The following FBXL19 variants were observed in gnomAD, a reference collection of about 807,000 sequenced individuals.
FBXL19 encodes F-box/LRR-repeat protein 19.
Under a neutral mutation model 71.2 loss-of-function variants are expected in FBXL19, and 16 were observed. That is an observed-to-expected ratio of 0.22 (90% CI 0.15 to 0.34). The LOEUF is 0.34. Among genes scored for constraint, FBXL19 ranks in the 10% least tolerant of loss-of-function variants. The pLI, the probability that FBXL19 is intolerant of heterozygous loss-of-function variation, is 1.00. For missense variants in FBXL19, 658 were observed against 968.2 expected (o/e 0.68, Z 4.25); for synonymous variants, 447 against 409.4 (o/e 1.09, Z -1.11).
chr16:30,925,567 C>A lies in FBXL19; in HGVS notation c.-24-164C>A. On this transcript the variant is annotated intron_variant, in intron 1 of 10. Transcript: ENST00000338343. The surrounding 1 kb of genome is among the most constrained non-coding windows in gnomAD (Gnocchi z 5.0). ...CTTGAGCTGCTGCAGGGAGACAGGC[C>A]TTGAGTAGAGGATTGGCCCCCAGAT... is the stretch of plus-strand genomic sequence containing the variant. 1 of 700,956 alleles carries A rather than the reference C, an allele frequency of 1.4e-6. No individual in the cohort carries two copies. The highest frequency in any genetic ancestry group is 2.1e-6 in the Non-Finnish European group (1 of 475,206). 43.4% of individuals were successfully genotyped at this position (700,956 alleles called of 1,614,324 possible).
intron 7 of FBXL19, among the ~76,000 whole-genome samples, chr16:30,932,613 G>C (rs542075343): frequency 6.6e-6 from 1 of 152,266 alleles, no homozygotes; most frequent in East Asian, 1.9e-4. Flanking sequence ...TGTAGTCTGG[G>C]TTTGTATGAA....
intron 2 of FBXL19, among the ~76,000 whole-genome samples, chr16:30,926,502 C>G (rs1047449579): frequency 1.3e-5 from 2 of 152,110 alleles, no homozygotes; most frequent in East Asian, 3.9e-4. Flanking sequence ...TTCCGCCCTG[C>G]CTTCCTCATC....
chr16:30,924,633 T>G, intron 1 of FBXL19, 174 bp downstream of exon 1: 1 of 1,388,508 alleles, frequency 7.2e-7, no homozygotes, highest in Non-Finnish European at 9.3e-7. Flanking sequence ...TGGCCCTCCT[T>G]CCTAGACCCT....
At position 30,930,602 on chromosome 16, in the gene FBXL19, G is replaced by T; in HGVS notation, c.1301+18G>T. On this transcript the variant is annotated intron_variant, in intron 7 of 10. Coordinates refer to ENST00000338343, the MANE Select transcript of FBXL19 (RefSeq NM_001382779.1). This position sits in a 1 kb window ranked among gnomAD's most constrained non-coding sequence, Gnocchi z 8.5. The stretch of plus-strand genomic sequence containing the variant: ...AGCCGCTGGTGAGTGGCCTGGACAG[G>T]CCTGCGTTCCGTGGCCAGCAGGCTT... 2 of 1,416,324 alleles carry T rather than the reference G, an allele frequency of 1.4e-6. No individual in the cohort carries two copies. Among genetic ancestry groups the T allele is most frequent in the Non-Finnish European group, 1.8e-6 (2 of 1,090,070 alleles). The allele number at this position is 1,416,324 out of a possible 1,614,324, so 87.7% of individuals were successfully genotyped here.
rs1224466827 is a variant in FBXL19, at chr16:30,930,275, G to A, written c.992G>A (p.Arg331Gln). Residue 331 changes from arginine to glutamine, a missense_variant, in exon 7 of 11, where the codon CGG (arginine) becomes CAG (glutamine). Coordinates refer to ENST00000338343, the MANE Select transcript of FBXL19 (RefSeq NM_001382779.1). The surrounding 1 kb of genome is among the most constrained non-coding windows in gnomAD (Gnocchi z 8.5). Reference protein sequence around the residue: ...LSEDEAPGEARNGRRPARGSS... With the variant: ...LSEDEAPGEAQNGRRPARGSS... Reference sequence around the variant, plus strand: ...GAGGACGAAGCCCCCGGCGAGGCCCGGAATGGGCGACGGCCAGCCCGGGGC... The same window carrying A: ...GAGGACGAAGCCCCCGGCGAGGCCCAGAATGGGCGACGGCCAGCCCGGGGC... 16 of 1,612,596 alleles carry A rather than the reference G, an allele frequency of 9.9e-6. No individual in the cohort carries two copies. Among genetic ancestry groups the A allele is most frequent in the South Asian group, 4.4e-5 (4 of 91,074 alleles).
rs551914906 is a variant in FBXL19, at chr16:30,925,747, C to T, written c.-8C>T. ...CACCTACAGCCCTCGGCGTTGCTGA[C>T]GCCCCCAATGTCGTCGAGCAGCCGG... is the stretch of plus-strand genomic sequence containing the variant. On this transcript the variant is annotated 5_prime_UTR_variant, in exon 2 of 11. It adds an upstream start codon to the 5' untranslated region. Coordinates refer to ENST00000338343, the MANE Select transcript of FBXL19 (RefSeq NM_001382779.1). This position sits in a 1 kb window ranked among gnomAD's most constrained non-coding sequence, Gnocchi z 5.0. The T allele has an allele frequency of 8.1e-6, 12 of 1,488,252 alleles. No individual in the cohort carries two copies. In the East Asian group the frequency reaches 1.4e-4, roughly 17 times the overall value. The allele number at this position is 1,488,252 out of a possible 1,614,324, so 92.2% of individuals were successfully genotyped here.
Position 30,927,980 on chromosome 16 carries a change from GCT to G in FBXL19, c.627+19_627+20del, listed in dbSNP as rs2055617282. On this transcript the variant is annotated intron_variant, in intron 5 of 10. Coordinates refer to ENST00000338343, the MANE Select transcript of FBXL19 (RefSeq NM_001382779.1). ...AGGAAAAAGGTGAGCCACGGAGCACGCTCACTAGGCTTGTCCTGAGGAATTCT... is the reference window on the plus strand; with the variant it reads ...AGGAAAAAGGTGAGCCACGGAGCACGCACTAGGCTTGTCCTGAGGAATTCT... 6 of 1,432,546 alleles carry G rather than the reference GCT, an allele frequency of 4.2e-6. No homozygotes were observed. Among genetic ancestry groups the G allele is most frequent in the Non-Finnish European group, 5.6e-6 (6 of 1,078,830 alleles). 88.7% of individuals were successfully genotyped at this position (1,432,546 alleles called of 1,614,324 possible). A position where few individuals can be genotyped will look rare whatever the true frequency, so the allele number is the denominator to read the frequency against.
Position 30,946,914 on chromosome 16 carries a change from A to G in FBXL19, c.1812A>G (p.Pro604=), listed in dbSNP as rs563264346. The change falls in exon 10 of 11, where the codon CCA becomes CCG. Residue 604 remains proline (P), a synonymous_variant. Transcript: ENST00000338343. The surrounding 1 kb of genome is among the most constrained non-coding windows in gnomAD (Gnocchi z 6.7). ...ACCTCCTCACGGCCCCCACGTCCCC[A>G]CTCCGCGAGACCCTGGTGCACCTCA... The part of the protein sequence containing the change: ...SVHLLTAPTS[P]LRETLVHLNL... 11 of 1,609,536 alleles carry G rather than the reference A, an allele frequency of 6.8e-6. No individual in the cohort carries two copies. Among genetic ancestry groups the G allele is most frequent in the Admixed American group, 1.7e-5 (1 of 59,592 alleles).
chr16:30,924,499 A>C, intron 1 of FBXL19, 40 bp downstream of exon 1: 55 of 614,226 alleles, frequency 9.0e-5, no homozygotes, highest in Non-Finnish European at 1.1e-4. Flanking sequence ...AGACCTGGGC[A>C]GCGCCCACTC....
chr16:30,941,212 A>G (rs2055798972), intron 7 of FBXL19, among the ~76,000 whole-genome samples: 2 of 152,148 alleles, frequency 1.3e-5, no homozygotes, highest in African/African-American at 4.8e-5. Flanking sequence ...GCAGTAGCTC[A>G]TGCCTGTAAT....
At chr16:30,922,977 C>T (rs2055539652), upstream of FBXL19, 3 of 447,326 alleles carry the variant, frequency 6.7e-6, no homozygotes, top group South Asian at 4.7e-5. Flanking sequence ...TTAAGGAACA[C>T]TGGAAGGCTA....
At chr16:30,939,783 A>G (rs946584119) in intron 7 of FBXL19, among the ~76,000 whole-genome samples, 1 of 152,076 alleles carries the variant, frequency 6.6e-6, no homozygotes, top group East Asian at 1.9e-4. Context: ...CAGATAAGTG[A>G]ACAGCAAATA....
intron 7 of FBXL19, among the ~76,000 whole-genome samples, chr16:30,934,720 C>G (rs1233964375): frequency 6.6e-6 from 1 of 152,092 alleles, no homozygotes; most frequent in African/African-American, 2.4e-5. Flanking sequence ...CAGGGTAACC[C>G]TCAGGTGAGT....
In FBXL19 at chr16:30,942,580, G is replaced by T; in HGVS notation, c.1627+44G>T. ...TTTCTGGAGAATGGGCTGGGCAAGG[G>T]TAGGGTAGGAGGCCTCTCAGGTCTC... On this transcript the variant is annotated intron_variant, in intron 9 of 10. Transcript: ENST00000338343. The surrounding 1 kb of genome is among the most constrained non-coding windows in gnomAD (Gnocchi z 5.7). 6.6e-7 allele frequency: 1 copy of T among 1,521,624 alleles called. No individual in the cohort carries two copies. The highest frequency in any genetic ancestry group is 8.8e-7 in the Non-Finnish European group (1 of 1,132,780). The allele number at this position is 1,521,624 out of a possible 1,614,324, so 94.3% of individuals were successfully genotyped here.
In FBXL19 at chr16:30,925,823, G is replaced by T. The variant is rs149620087; in HGVS notation, c.69G>T (p.Arg23=). ...GCCGAACCCGCTGCCGCCGCTGCCG[G>T]GCCTGTGTGCGAACTGAGTGCGGGG... ...RRRRTRCRRC[R]ACVRTECGDC... is the part of the protein sequence containing the mutation. The change falls in exon 2 of 11, where the codon CGG becomes CGT. Residue 23 remains arginine, a synonymous_variant. Coordinates refer to ENST00000338343, the MANE Select transcript of FBXL19 (RefSeq NM_001382779.1). This position sits in a 1 kb window ranked among gnomAD's most constrained non-coding sequence, Gnocchi z 5.0. 1,027 of 1,506,400 alleles carry T rather than the reference G, an allele frequency of 6.8e-4. 1 individual carries two copies. Among genetic ancestry groups the T allele is most frequent in the Non-Finnish European group, 8.7e-4 (978 of 1,130,530 alleles). 93.3% of individuals were successfully genotyped at this position (1,506,400 alleles called of 1,614,324 possible).
intron 6 of FBXL19, among the ~76,000 whole-genome samples, chr16:30,929,271 C>T (rs2055641383): frequency 6.6e-6 from 1 of 152,164 alleles, no homozygotes; most frequent in Admixed American, 6.5e-5. Flanking sequence ...TCGGTTTCCT[C>T]ATGTCTGAAA....
Position 30,927,670 on chromosome 16 carries a change from G to A in FBXL19, c.408+11G>A, listed in dbSNP as rs1226426401. The A allele has an allele frequency of 1.3e-6, 2 of 1,563,754 alleles. No individual in the cohort carries two copies. Among genetic ancestry groups the A allele is most frequent in the African/African-American group, 1.4e-5 (1 of 73,690 alleles). ...GGCCGCACCAGCAAGGTAGGGGCTG[G>A]GCTGGGCTGAGCTGTGGGTAGGTGG... On this transcript the variant is annotated intron_variant, in intron 4 of 10. Transcript: ENST00000338343.
At chr16:30,937,912 G>GAGA (rs2055756781) in intron 7 of FBXL19, among the ~76,000 whole-genome samples, 1 of 152,128 alleles carries the variant, frequency 6.6e-6, no homozygotes, top group Non-Finnish European at 1.5e-5. Context: ...GTCGTGGCAG[G>GAGA]GTCACAGTGG....
chr16:30,923,329 TG>T, upstream of FBXL19: 1 of 414,070 alleles, frequency 2.4e-6, no homozygotes, highest in Non-Finnish European at 4.9e-6. Flanking sequence ...GGCTCCCGGC[TG>T]GGCACGCCCT....
Sources: allele counts gnomAD v4.1 joint callset (sites outside exome capture counted in the v4.1 genomes callset), GRCh38; gene constraint gnomAD v4.1.1; non-coding constraint Gnocchi (gnomAD v3.1); transcripts MANE v1.5; gene names NCBI Gene and HGNC (gene_info 2026-07-23, HGNC 2026-07-21).